Variants in IL1RAPL1 observed in about 807,000 individuals in gnomAD.
The protein encoded by IL1RAPL1 is interleukin 1 receptor accessory protein like 1.
IL1RAPL1 carries 3 observed loss-of-function variants against 48.4 expected under a neutral mutation model. That is an observed-to-expected ratio of 0.06 (90% confidence interval 0.03 to 0.16). The LOEUF is 0.16. IL1RAPL1 is among the 10% of genes least tolerant of loss of function. The pLI is 1.00. For synonymous variants in IL1RAPL1, 185 were observed against 187.7 expected, an observed-to-expected ratio of 0.99 and a Z score of 0.12; for missense variants, 349 against 530.6, an observed-to-expected ratio of 0.66 and a Z score of 3.36.
At chrX:28,970,414 T>C (rs1340140755) in intron 2 of IL1RAPL1, among the ~76,000 whole-genome samples, 1 of 112,675 alleles carries the variant, frequency 8.9e-6, no homozygotes, top group African/African-American at 3.2e-5. Context: ...ACAGATTCTT[T>C]ATTTAACAAA....
chrX:29,026,869 G>A (rs1019994359), intron 2 of IL1RAPL1, among the ~76,000 whole-genome samples: 1 of 111,562 alleles, frequency 9.0e-6, no homozygotes, highest in Non-Finnish European at 1.9e-5. Context: ...TTTAGTTTTT[G>A]TAATAGACTT....
intron 6 of IL1RAPL1, among the ~76,000 whole-genome samples, chrX:29,812,447 C>A (rs1221864390): frequency 9.0e-6 from 1 of 111,100 alleles, no homozygotes; most frequent in Non-Finnish European, 1.9e-5. Context: ...TTAAAAGAAT[C>A]CTCTCATAGA....
chrX:28,624,892 A>G (rs1934321506), intron 1 of IL1RAPL1, among the ~76,000 whole-genome samples: 1 of 111,818 alleles, frequency 8.9e-6, no homozygotes, highest in African/African-American at 3.3e-5. Flanking sequence ...ACACTTTCAA[A>G]GCTTTCTTTA....
intron 1 of IL1RAPL1, among the ~76,000 whole-genome samples, chrX:28,698,372 A>G (rs1308560852): frequency 2.7e-5 from 3 of 111,627 alleles, no homozygotes; most frequent in East Asian, 5.7e-4. Context: ...ACCCCTGAAG[A>G]GATATTCAGG....
chrX:29,240,193 C>CATAT (rs1931381463), intron 2 of IL1RAPL1, among the ~76,000 whole-genome samples: 1 of 36,638 alleles, frequency 2.7e-5, no homozygotes, highest in African/African-American at 1.4e-4. Context: ...TACACACACA[C>CATAT]ACATATATAT....
intron 6 of IL1RAPL1, among the ~76,000 whole-genome samples, chrX:29,774,186 A>G (rs1039287194): frequency 1.9e-5 from 2 of 104,317 alleles, no homozygotes; most frequent in Admixed American, 1.0e-4. Flanking sequence ...TTAGTCAGGT[A>G]AATAACTAAA....
At chrX:29,679,529 A>G (rs1926386847) in intron 6 of IL1RAPL1, among the ~76,000 whole-genome samples, 1 of 112,082 alleles carries the variant, frequency 8.9e-6, no homozygotes, top group Non-Finnish European at 1.9e-5. Flanking sequence ...TACATATCAC[A>G]TACAATATTG....
intron 8 of IL1RAPL1, among the ~76,000 whole-genome samples, chrX:29,924,644 A>G (rs1932871189): frequency 1.1e-5 from 1 of 90,037 alleles, no homozygotes; most frequent in Non-Finnish European, 2.3e-5. Flanking sequence ...GATGTTCATT[A>G]GCAATCTTAC....
intron 5 of IL1RAPL1, among the ~76,000 whole-genome samples, chrX:29,617,055 G>A (rs112950912): frequency 0.12 from 13,448 of 110,578 alleles, 877 homozygotes; most frequent in African/African-American, 0.24. Flanking sequence ...CCAATGATGT[G>A]AGAGAACTGC....
intron 6 of IL1RAPL1, among the ~76,000 whole-genome samples, chrX:29,842,316 G>C (rs916558022): frequency 1.3e-4 from 15 of 112,361 alleles, no homozygotes; most frequent in African/African-American, 4.8e-4. Flanking sequence ...AGCAGCCTCA[G>C]GCCTGTTAGA....
chrX:29,300,148 A>G (rs1241109203), intron 3 of IL1RAPL1, among the ~76,000 whole-genome samples: 1 of 111,879 alleles, frequency 8.9e-6, no homozygotes, highest in Admixed American at 9.5e-5. Flanking sequence ...TTCTTTACAA[A>G]CTAGCTAACC....
intron 5 of IL1RAPL1, among the ~76,000 whole-genome samples, chrX:29,570,010 G>A (rs777532114): frequency 8.9e-5 from 10 of 112,014 alleles, no homozygotes; most frequent in African/African-American, 1.9e-4. Flanking sequence ...ATGGAAATAC[G>A]TGAAGGCATT....
intron 2 of IL1RAPL1, among the ~76,000 whole-genome samples, chrX:28,965,083 A>T (rs1924887389): frequency 9.0e-6 from 1 of 111,402 alleles, no homozygotes; most frequent in South Asian, 3.7e-4. Flanking sequence ...TCAGAAGTCA[A>T]AGTCCTTTAA....
At chrX:29,724,949 A>T (rs1162398912) in intron 6 of IL1RAPL1, among the ~76,000 whole-genome samples, 1 of 111,637 alleles carries the variant, frequency 9.0e-6, no homozygotes, top group Non-Finnish European at 1.9e-5. Context: ...TGGTATTCTG[A>T]GAGGAGTGGG....
intron 5 of IL1RAPL1, among the ~76,000 whole-genome samples, chrX:29,459,259 G>A (rs1391728564): frequency 1.8e-5 from 2 of 111,881 alleles, no homozygotes; most frequent in East Asian, 5.6e-4. Flanking sequence ...GAATTTTTAT[G>A]AACACTGAGC....
At chrX:29,587,331 T>C (rs1923205397) in intron 5 of IL1RAPL1, among the ~76,000 whole-genome samples, 1 of 90,006 alleles carries the variant, frequency 1.1e-5, no homozygotes, top group Admixed American at 1.7e-4. Context: ...CTAGAAGTCA[T>C]AGAAACAGAG....
chrX:29,236,675 G>A (rs1402743503), intron 2 of IL1RAPL1, among the ~76,000 whole-genome samples: 1 of 91,290 alleles, frequency 1.1e-5, no homozygotes, highest in Non-Finnish European at 2.1e-5. Flanking sequence ...GCATTCTCCT[G>A]CCTCAGCCTC....
chrX:28,915,943 G>GTA (rs61698059), intron 2 of IL1RAPL1, among the ~76,000 whole-genome samples: 2,734 of 102,159 alleles, frequency 0.027, 51 homozygotes, highest in African/African-American at 0.055. Flanking sequence ...ATATGTATGT[G>GTA]TATATATATA....
intron 2 of IL1RAPL1, among the ~76,000 whole-genome samples, chrX:28,858,574 T>C (rs1319431490): frequency 3.6e-5 from 4 of 112,542 alleles, no homozygotes; most frequent in Non-Finnish European, 7.5e-5. Flanking sequence ...ATCATTAACA[T>C]TTTTAGCAAA....
Sources: gnomAD v4.1 joint callset for allele counts (sites outside exome capture counted in the v4.1 genomes callset) on GRCh38, gnomAD v4.1.1 for gene constraint, MANE v1.5 for transcripts, NCBI Gene and HGNC (gene_info 2026-07-23, HGNC 2026-07-21) for gene names.